ITGA9: variants seen among roughly 807,000 people sequenced by gnomAD.
ITGA9 encodes the protein integrin alpha-9.
ITGA9 carries 56 observed loss-of-function variants against 127.8 expected under a neutral mutation model. The observed-to-expected ratio is 0.44, with a 90% CI of 0.35 to 0.55. The LOEUF (loss-of-function observed/expected upper bound fraction) is 0.55, where lower values mean the gene tolerates loss of function less well. Among genes scored for constraint, ITGA9 ranks in the 20% least tolerant of loss-of-function variants. ITGA9 has a pLI of 0.00. For missense variants in ITGA9, 1,196 were observed against 1,347.1 expected (o/e 0.89, Z 1.76); for synonymous variants, 508 against 514.5 (o/e 0.99, Z 0.17).
At chr3:37,613,287 A>G (rs1700041751) in intron 15 of ITGA9, among the ~76,000 whole-genome samples, 2 of 152,226 alleles carry the variant, frequency 1.3e-5, no homozygotes, top group African/African-American at 2.4e-5. Context: ...TACAAAGGAC[A>G]TGAAGTCATC....
chr3:37,500,563 A>G lies in ITGA9; in HGVS notation c.613-2615A>G, dbSNP rs183955904. ...TTTAAGGCATTGCCCTCTTGCCTGC[A>G]GGCTCTATCCTCCTCTCTCTATTTT... On this transcript the variant is annotated intron_variant, in intron 5 of 27. Transcript: ENST00000264741. Among the ~76,000 whole-genome samples, 649 of 152,314 alleles carry G rather than the reference A, an allele frequency of 4.3e-3. 10 individuals carry two copies. Among genetic ancestry groups the G allele is most frequent in the Non-Finnish European group, 6.0e-3 (407 of 68,028 alleles).
intron 15 of ITGA9, among the ~76,000 whole-genome samples, chr3:37,543,683 A>G (rs1431682073): frequency 6.6e-6 from 1 of 152,124 alleles, no homozygotes; most frequent in Non-Finnish European, 1.5e-5. Flanking sequence ...TGCAGATTAG[A>G]GATGAAGTGT....
intron 18 of ITGA9, among the ~76,000 whole-genome samples, chr3:37,703,016 C>T (rs187444451): frequency 3.9e-5 from 6 of 152,250 alleles, no homozygotes; most frequent in African/African-American, 1.4e-4. Flanking sequence ...AGAGATCCTG[C>T]TGCTGCCTCT....
At chr3:37,703,792 C>G (rs1054757853) in intron 18 of ITGA9, among the ~76,000 whole-genome samples, 35 of 152,320 alleles carry the variant, frequency 2.3e-4, no homozygotes, top group African/African-American at 8.4e-4. Flanking sequence ...TTTTTATTAA[C>G]GTGTTTAACC....
chr3:37,528,353 C>A (rs1482142516), intron 13 of ITGA9, among the ~76,000 whole-genome samples: 1 of 152,098 alleles, frequency 6.6e-6, no homozygotes, highest in Non-Finnish European at 1.5e-5. Flanking sequence ...TGGAGCTCAA[C>A]AGGGACAAAT....
At chr3:37,667,303 C>T (rs1260973521) in intron 17 of ITGA9, among the ~76,000 whole-genome samples, 1 of 152,168 alleles carries the variant, frequency 6.6e-6, no homozygotes, top group Non-Finnish European at 1.5e-5. Context: ...CTATTGCATT[C>T]GTCTGGACCC....
At chr3:37,626,336 G>A (rs1440143092) in intron 15 of ITGA9, among the ~76,000 whole-genome samples, 5 of 152,104 alleles carry the variant, frequency 3.3e-5, no homozygotes, top group Non-Finnish European at 5.9e-5. Context: ...ATTTATTTGA[G>A]CTTCTGCACC....
In ITGA9 at chr3:37,517,621, C is replaced by T. The variant is rs1698997339; in HGVS notation, c.1141+12C>T. Reference sequence around the variant, plus strand: ...TGATGGGTTCCCAGGTGAGTGAGTGCTCCTGGTGCACGGAGCCCCTCCAGG... The same window carrying T: ...TGATGGGTTCCCAGGTGAGTGAGTGTTCCTGGTGCACGGAGCCCCTCCAGG... On this transcript the variant is annotated intron_variant, in intron 10 of 27. Transcript: ENST00000264741. The T allele has an allele frequency of 2.6e-6, 4 of 1,551,260 alleles. No homozygotes were observed. In the East Asian group the frequency reaches 9.5e-5, roughly 37 times the overall value.
chr3:37,745,260 C>A (rs1696487196), intron 22 of ITGA9, among the ~76,000 whole-genome samples: 1 of 152,166 alleles, frequency 6.6e-6, no homozygotes, highest in Non-Finnish European at 1.5e-5. Flanking sequence ...ACTGCGAAAC[C>A]ATGATACATA....
At chr3:37,526,626 G>A (rs1360098497) in intron 13 of ITGA9, among the ~76,000 whole-genome samples, 9 of 152,216 alleles carry the variant, frequency 5.9e-5, no homozygotes. Context: ...CGTGCAGTCT[G>A]CATCTCTCCT....
chr3:37,473,228 G>A, intron 2 of ITGA9, 126 bp from the exon 3 acceptor site: 1 of 666,616 alleles, frequency 1.5e-6, no homozygotes, highest in Non-Finnish European at 2.8e-6. Flanking sequence ...AGTACATAGT[G>A]ATGGAGTTGA....
At position 37,691,636 on chromosome 3, in the gene ITGA9, T is replaced by G. The variant is rs537389494; in HGVS notation, c.2067+7621T>G. On this transcript the variant is annotated intron_variant, in intron 18 of 27. Transcript: ENST00000264741. ...ACCTCCAGCCTGCAGGCCACCAGCC[T>G]GTGACCTCCAGCCTGGCTGTTTTCC... Among the ~76,000 whole-genome samples, 4 of 152,304 alleles carry G rather than the reference T, an allele frequency of 2.6e-5. No individual in the cohort carries two copies. In the South Asian group the frequency reaches 8.3e-4, roughly 32 times the overall value.
Position 37,481,489 on chromosome 3 carries a change from T to A in ITGA9, c.426T>A (p.Cys142Ter). Reference protein sequence around the residue: ...QPKADGRVLACAHRWKNIYYE... With the variant: ...QPKADGRVLA ...ACTGCTCTCTATCCCTTTAGGCCTG[T>A]GCTCATCGCTGGAAGAACATCTACT... The change falls in exon 4 of 28, where the codon TGT (cysteine) becomes TGA (stop). Residue 142 changes from cysteine (C) to a stop codon, truncating the protein, a stop_gained. Coordinates refer to ENST00000264741, the MANE Select transcript of ITGA9 (RefSeq NM_002207.3). LOFTEE classifies it high-confidence loss of function. 2 of 1,614,222 alleles carry A rather than the reference T, an allele frequency of 1.2e-6. No homozygotes were observed. Among genetic ancestry groups the A allele is most frequent in the African/African-American group, 2.7e-5 (2 of 75,052 alleles).
At chr3:37,542,667 T>C (rs972090544) in intron 15 of ITGA9, 82 bp downstream of exon 15, 25 of 1,415,420 alleles carry the variant, frequency 1.8e-5, no homozygotes, top group African/African-American at 4.2e-5. Context: ...ATTTTTATTA[T>C]GTATTATGTG....
intron 15 of ITGA9, among the ~76,000 whole-genome samples, chr3:37,609,149 C>T (rs1290433271): frequency 6.6e-6 from 1 of 152,116 alleles, no homozygotes; most frequent in Admixed American, 6.6e-5. Context: ...CCGCCTCTTC[C>T]ATCAGGAACA....
At chr3:37,564,053 C>T (rs78196452) in intron 15 of ITGA9, among the ~76,000 whole-genome samples, 8,200 of 152,202 alleles carry the variant, frequency 0.054, 301 homozygotes, top group Non-Finnish European at 0.085. Flanking sequence ...TTGAATTTAA[C>T]GCAGGCTTTT....
chr3:37,720,595 A>G (rs540385624), intron 18 of ITGA9, among the ~76,000 whole-genome samples: 3 of 152,362 alleles, frequency 2.0e-5, no homozygotes, highest in Admixed American at 1.3e-4. Flanking sequence ...TGACTATTTA[A>G]CAGAAGGAAA....
chr3:37,741,952 A>G (rs113470897), intron 21 of ITGA9, 133 bp downstream of exon 21: 1 of 735,322 alleles, frequency 1.4e-6, no homozygotes, highest in Admixed American at 2.0e-5. Context: ...AGCCTTGAAA[A>G]GCAGGATGAA....
intron 17 of ITGA9, among the ~76,000 whole-genome samples, chr3:37,662,990 A>G (rs1422669139): frequency 6.6e-6 from 1 of 152,152 alleles, no homozygotes; most frequent in East Asian, 1.9e-4. Flanking sequence ...GGATTCATGG[A>G]TGTTTTTATT....
Sources: gnomAD v4.1 joint callset for allele counts (sites outside exome capture counted in the v4.1 genomes callset) on GRCh38, gnomAD v4.1.1 for gene constraint, MANE v1.5 for transcripts, NCBI Gene and HGNC (gene_info 2026-07-23, HGNC 2026-07-21) for gene names.